CAMKMT: variants seen among roughly 807,000 people sequenced by gnomAD.
CAMKMT encodes CaM KMT.
In CAMKMT, 53 loss-of-function variants were observed where a neutral mutation model predicts 48.0. The observed-to-expected ratio is 1.10, with a 90% CI of 0.89 to 1.39. CAMKMT has a LOEUF of 1.39. CAMKMT is among the 40% of genes most tolerant of loss of function. CAMKMT has a pLI of 0.00. For missense variants in CAMKMT, 428 were observed against 402.7 expected (o/e 1.06, Z -0.54); for synonymous variants, 165 against 152.3 (o/e 1.08, Z -0.61).
At chr2:44,567,176 T>C (rs1668659326) in intron 3 of CAMKMT, among the ~76,000 whole-genome samples, 1 of 152,184 alleles carries the variant, frequency 6.6e-6, no homozygotes, top group African/African-American at 2.4e-5. Flanking sequence ...GGAACAGGAA[T>C]TTTTCTGCAG....
At chr2:44,594,028 G>T (rs568880444) in intron 3 of CAMKMT, among the ~76,000 whole-genome samples, 1 of 152,056 alleles carries the variant, frequency 6.6e-6, no homozygotes, top group Non-Finnish European at 1.5e-5. Context: ...CTCCAAAAGT[G>T]CTGGGATTAC....
chr2:44,754,092 G>A lies in CAMKMT; in HGVS notation c.736G>A (p.Ala246Thr), dbSNP rs775314192. ...LDQYRASLVD[A>T]IKRLLQPRGK... Reference sequence around the variant, plus strand: ...CCAGTACAGAGCCAGCCTTGTTGATGCAATAAAGAGATTACTCCAGCCCAG... The same window carrying A: ...CCAGTACAGAGCCAGCCTTGTTGATACAATAAAGAGATTACTCCAGCCCAG... Residue 246 changes from alanine (A) to threonine (T), a missense_variant, in exon 9 of 11, where the codon GCA (alanine) becomes ACA (threonine). By Grantham distance (58) the Ala-to-Thr change is moderately conservative. Transcript: ENST00000378494. 3.1e-6 allele frequency: 5 copies of A among 1,613,718 alleles called. No individual in the cohort carries two copies. In the African/African-American group the frequency reaches 6.7e-5, roughly 22 times the overall value.
chr2:44,403,464 T>C (rs927458507), intron 3 of CAMKMT, among the ~76,000 whole-genome samples: 2 of 152,218 alleles, frequency 1.3e-5, no homozygotes, highest in Non-Finnish European at 2.9e-5. Context: ...GTTTTGTAAG[T>C]AGATTTTCAA....
chr2:44,602,686 C>G lies in CAMKMT; in HGVS notation c.377-101597C>G, dbSNP rs531678204. Among the ~76,000 whole-genome samples, 476 of 152,068 alleles carry G rather than the reference C, an allele frequency of 3.1e-3. 1 individual carries two copies. Among genetic ancestry groups the G allele is most frequent in the Admixed American group, 6.4e-3 (98 of 15,298 alleles). Reference sequence around the variant, plus strand: ...GCAAGCACGTCTTACTACGGCAGAGCTGGAGAGAGAGAGAACAAGGGAGGA... The same window carrying G: ...GCAAGCACGTCTTACTACGGCAGAGGTGGAGAGAGAGAGAACAAGGGAGGA... On this transcript the variant is annotated intron_variant, in intron 3 of 10. Transcript: ENST00000378494.
At chr2:44,367,209 T>C (rs557523549) in intron 1 of CAMKMT, among the ~76,000 whole-genome samples, 1 of 152,304 alleles carries the variant, frequency 6.6e-6, no homozygotes, top group East Asian at 1.9e-4. Context: ...GGATCCCAAA[T>C]GTCAGTATCT....
At chr2:44,730,988 C>G (rs141354244) in intron 7 of CAMKMT, among the ~76,000 whole-genome samples, 1,924 of 152,278 alleles carry the variant, frequency 0.013, 22 homozygotes, top group South Asian at 0.031. Context: ...ATCAAGAATT[C>G]TATCAGTGCA....
intron 8 of CAMKMT, among the ~76,000 whole-genome samples, chr2:44,745,259 G>A (rs530558618): frequency 1.2e-4 from 18 of 152,254 alleles, no homozygotes; most frequent in African/African-American, 4.1e-4. Context: ...AGTTAAATTT[G>A]TCCCTTACGC....
intron 2 of CAMKMT, among the ~76,000 whole-genome samples, chr2:44,385,338 G>T (rs766473831): frequency 7.9e-5 from 12 of 151,992 alleles, no homozygotes; most frequent in Admixed American, 3.9e-4. Context: ...CCTTGTATTT[G>T]GAAATTTTGC....
At chr2:44,440,518 C>T (rs911586672) in intron 3 of CAMKMT, among the ~76,000 whole-genome samples, 2 of 152,088 alleles carry the variant, frequency 1.3e-5, no homozygotes, top group African/African-American at 4.8e-5. Flanking sequence ...CTGCACTATC[C>T]AATATGGTAG....
chr2:44,511,134 C>T (rs1017173612), intron 3 of CAMKMT, among the ~76,000 whole-genome samples: 1 of 152,168 alleles, frequency 6.6e-6, no homozygotes. Context: ...AGCCACTGTG[C>T]CTGGCCCATT....
chr2:44,512,663 G>C (rs777871761), intron 3 of CAMKMT, among the ~76,000 whole-genome samples: 1 of 152,200 alleles, frequency 6.6e-6, no homozygotes, highest in South Asian at 2.1e-4. Flanking sequence ...CTATTGGAAG[G>C]CCAGCTGGTT....
At position 44,541,879 on chromosome 2, in the gene CAMKMT, C is replaced by G. The variant is rs111799359; in HGVS notation, c.376+151574C>G. On this transcript the variant is annotated intron_variant, in intron 3 of 10. Transcript: ENST00000378494. ...GCACGATGGCTCACGCCTATAATCT[C>G]AGCATTTGGGAGGCTGAGGCAGGCA... is the stretch of plus-strand genomic sequence containing the variant. Among the ~76,000 whole-genome samples the G allele has an allele frequency of 2.8e-3, 423 of 152,154 alleles. 1 individual carries two copies. Among genetic ancestry groups the G allele is most frequent in the African/African-American group, 9.7e-3 (402 of 41,516 alleles).
chr2:44,665,642 G>C (rs1674925679), intron 3 of CAMKMT, among the ~76,000 whole-genome samples: 1 of 152,076 alleles, frequency 6.6e-6, no homozygotes, highest in Non-Finnish European at 1.5e-5. Flanking sequence ...CTGTGATTTG[G>C]GTACATTTCT....
intron 3 of CAMKMT, among the ~76,000 whole-genome samples, chr2:44,698,485 G>T (rs1677084331): frequency 6.6e-6 from 1 of 152,202 alleles, no homozygotes. Flanking sequence ...CTTTCCTGGT[G>T]CATATAAAAG....
At chr2:44,767,581 G>A (rs185312918) in intron 10 of CAMKMT, among the ~76,000 whole-genome samples, 98 of 152,236 alleles carry the variant, frequency 6.4e-4, no homozygotes, top group Non-Finnish European at 1.0e-3. Flanking sequence ...AGCCTCTGGG[G>A]GAAAAATGGT....
chr2:44,766,440 T>C lies in CAMKMT; in HGVS notation c.773T>C (p.Met258Thr). ...KRLLQPRGKA[M>T]VFAPRRGNTL... is the part of the protein sequence containing the mutation. ...TTTTTACTGTTCTAGGGGAAAGCGA[T>C]GGTATTTGCCCCACGCCGAGGGAAT... Residue 258 changes from methionine to threonine, a missense_variant, in exon 10 of 11, where the codon ATG becomes ACG. By Grantham distance (81) the Met-to-Thr change is moderately conservative (BLOSUM62 -1). Transcript: ENST00000378494. The C allele has an allele frequency of 1.2e-6, 2 of 1,614,114 alleles. No homozygotes were observed. The highest frequency in any genetic ancestry group is 1.7e-6 in the Non-Finnish European group (2 of 1,180,000).
intron 3 of CAMKMT, among the ~76,000 whole-genome samples, chr2:44,565,266 G>C (rs952128592): frequency 2.6e-5 from 4 of 152,036 alleles, no homozygotes; most frequent in African/African-American, 9.7e-5. Flanking sequence ...CTCAGAAAAA[G>C]AAATAAACAT....
At chr2:44,759,095 AAT>A (rs1335140514) in intron 9 of CAMKMT, among the ~76,000 whole-genome samples, 1 of 152,184 alleles carries the variant, frequency 6.6e-6, no homozygotes, top group Non-Finnish European at 1.5e-5. Flanking sequence ...GTGTGCTATA[AAT>A]GTAAATCATA....
chr2:44,418,283 T>C (rs1308209310), intron 3 of CAMKMT, among the ~76,000 whole-genome samples: 1 of 152,056 alleles, frequency 6.6e-6, no homozygotes. Context: ...TTTCCTCCTT[T>C]GTGTATCCTG....
Sources: allele counts gnomAD v4.1 joint callset (sites outside exome capture counted in the v4.1 genomes callset), GRCh38; gene constraint gnomAD v4.1.1; transcripts MANE v1.5; gene names NCBI Gene and HGNC (gene_info 2026-07-23, HGNC 2026-07-21).